The following CSMD1 variants were observed in gnomAD, a reference collection of about 807,000 sequenced individuals.
CSMD1 encodes the protein CUB and Sushi multiple domains 1.
CSMD1 carries 213 observed loss-of-function variants against 417.5 expected under a neutral mutation model. That is an observed-to-expected ratio of 0.51 (90% confidence interval 0.46 to 0.57). CSMD1 has a LOEUF of 0.57. Among genes scored for constraint, CSMD1 ranks in the 20% least tolerant of loss-of-function variants. The pLI is 0.00. For missense variants in CSMD1, 6,923 were observed against 4,529.7 expected (o/e 1.53, Z -15.17); for synonymous variants, 2,862 against 1,736.8 (o/e 1.65, Z -16.11).
chr8:4,929,514 C>G (rs779599150), intron 1 of CSMD1, among the ~76,000 whole-genome samples: 2 of 152,094 alleles, frequency 1.3e-5, no homozygotes, highest in Non-Finnish European at 2.9e-5. Flanking sequence ...GAACTCCTGT[C>G]TTGATATTTC....
chr8:3,231,914 G>C (rs1355027697), intron 26 of CSMD1, among the ~76,000 whole-genome samples: 1 of 152,182 alleles, frequency 6.6e-6, no homozygotes, highest in East Asian at 1.9e-4. Flanking sequence ...TTGCTAACTT[G>C]TCTTTCTCCT....
At chr8:3,626,402 A>G (rs1001606224) in intron 7 of CSMD1, among the ~76,000 whole-genome samples, 2 of 152,212 alleles carry the variant, frequency 1.3e-5, no homozygotes, top group Non-Finnish European at 2.9e-5. Context: ...GCCAGTTTAT[A>G]TTACTTTGCA....
chr8:4,333,933 C>G (rs574537925), intron 3 of CSMD1, among the ~76,000 whole-genome samples: 13 of 152,222 alleles, frequency 8.5e-5, no homozygotes, highest in South Asian at 4.1e-4. Context: ...ACTCTGTCAT[C>G]CAGACTGGAG....
intron 3 of CSMD1, among the ~76,000 whole-genome samples, chr8:4,380,057 C>G (rs1803002825): frequency 1.3e-5 from 2 of 152,240 alleles, no homozygotes; most frequent in Non-Finnish European, 1.5e-5. Flanking sequence ...ATCCATCAAT[C>G]CATATGAAGA....
chr8:3,574,647 T>C (rs566919283), intron 10 of CSMD1, among the ~76,000 whole-genome samples: 3 of 152,296 alleles, frequency 2.0e-5, no homozygotes, highest in South Asian at 4.1e-4. Context: ...TGTAATATAG[T>C]GGATGAGACC....
At chr8:3,812,544 A>G (rs1801144919) in intron 5 of CSMD1, among the ~76,000 whole-genome samples, 1 of 152,238 alleles carries the variant, frequency 6.6e-6, no homozygotes, top group Non-Finnish European at 1.5e-5. Flanking sequence ...AGCTAAGCTG[A>G]AATTCAACTA....
chr8:2,994,300 C>G (rs572504770), intron 54 of CSMD1, among the ~76,000 whole-genome samples: 2 of 152,140 alleles, frequency 1.3e-5, no homozygotes, highest in East Asian at 3.9e-4. Context: ...GGTCATTCTA[C>G]GAGACATACA....
intron 3 of CSMD1, among the ~76,000 whole-genome samples, chr8:4,312,405 A>ACGTATATATATACGTATATACG (rs1798668640): frequency 7.3e-6 from 1 of 137,386 alleles, no homozygotes; most frequent in Non-Finnish European, 1.5e-5. Context: ...ATACATATAT[A>ACGTATATATATACGTATATACG]TGCGTGTATA....
At chr8:3,854,555 A>C (rs1168013194) in intron 5 of CSMD1, among the ~76,000 whole-genome samples, 4 of 152,108 alleles carry the variant, frequency 2.6e-5, no homozygotes, top group Admixed American at 6.6e-5. Flanking sequence ...ATTTCTGCTT[A>C]CTTAGCTTTT....
At chr8:4,286,962 C>T (rs1007849243) in intron 3 of CSMD1, among the ~76,000 whole-genome samples, 1 of 152,098 alleles carries the variant, frequency 6.6e-6, no homozygotes, top group East Asian at 1.9e-4. Context: ...ATAGAGGCAG[C>T]TGAAGGAGGC....
In CSMD1 at chr8:4,143,204, G is replaced by C. The variant is rs980887348; in HGVS notation, c.416-111105C>G. Among the ~76,000 whole-genome samples the C allele has an allele frequency of 1.3e-5, 2 of 151,166 alleles. 1 individual carries two copies. Among genetic ancestry groups the C allele is most frequent in the Admixed American group, 1.3e-4 (2 of 15,240 alleles). ...AGGTAAGTGCTGAGAATGTTTCCCT[G>C]TCCACAGAACGGTGTGGTCTAAACC... On this transcript the variant is annotated intron_variant, in intron 3 of 69. Transcript: ENST00000635120.
chr8:3,025,857 G>A (rs369767813), intron 51 of CSMD1, among the ~76,000 whole-genome samples: 18 of 152,066 alleles, frequency 1.2e-4, no homozygotes, highest in East Asian at 3.9e-4. Context: ...AAATTAATAC[G>A]TAAAATTGTA....
chr8:3,975,118 C>G (rs1035241661), intron 5 of CSMD1, among the ~76,000 whole-genome samples: 3 of 152,150 alleles, frequency 2.0e-5, no homozygotes, highest in Admixed American at 1.3e-4. Flanking sequence ...TTGAAAACCA[C>G]TATGCATGTT....
chr8:3,634,948 G>A (rs974671182), intron 7 of CSMD1, among the ~76,000 whole-genome samples: 1 of 152,042 alleles, frequency 6.6e-6, no homozygotes, highest in South Asian at 2.1e-4. Flanking sequence ...ACATGTGACT[G>A]TACTGAATAA....
chr8:3,015,185 C>G (rs1195066830), intron 52 of CSMD1, among the ~76,000 whole-genome samples: 1 of 151,878 alleles, frequency 6.6e-6, no homozygotes, highest in Non-Finnish European at 1.5e-5. Flanking sequence ...ATAACTGAGG[C>G]AGCTCTCTTG....
intron 3 of CSMD1, among the ~76,000 whole-genome samples, chr8:4,385,117 G>T (rs1365762067): frequency 6.6e-6 from 1 of 152,084 alleles, no homozygotes; most frequent in Admixed American, 6.6e-5. Flanking sequence ...AGAAGAGACG[G>T]TGTTTCACCA....
chr8:4,821,540 G>T (rs561333019), intron 1 of CSMD1, among the ~76,000 whole-genome samples: 13 of 152,178 alleles, frequency 8.5e-5, no homozygotes, highest in Admixed American at 6.5e-4. Flanking sequence ...ACAACACAAA[G>T]AAAACTTAAA....
At chr8:4,648,273 G>C (rs952042459) in intron 1 of CSMD1, among the ~76,000 whole-genome samples, 1 of 151,980 alleles carries the variant, frequency 6.6e-6, no homozygotes, top group African/African-American at 2.4e-5. Flanking sequence ...GTTTTTTCTT[G>C]CTAATTTCTT....
At chr8:2,963,968 G>A (rs893945729) in intron 59 of CSMD1, among the ~76,000 whole-genome samples, 1 of 152,198 alleles carries the variant, frequency 6.6e-6, no homozygotes, top group Non-Finnish European at 1.5e-5. Flanking sequence ...TTATGGGGCT[G>A]AGAAGCAAGC....
Sources: gnomAD v4.1 joint callset for allele counts (sites outside exome capture counted in the v4.1 genomes callset) on GRCh38, gnomAD v4.1.1 for gene constraint, MANE v1.5 for transcripts, NCBI Gene and HGNC (gene_info 2026-07-23, HGNC 2026-07-21) for gene names.